ARFGEF3: variants seen among roughly 807,000 people sequenced by gnomAD.
The protein encoded by ARFGEF3 is ARFGEF family member 3.
A neutral mutation model predicts 221.7 loss-of-function variants in ARFGEF3; 96 were observed. The observed-to-expected ratio is 0.43, with a 90% CI of 0.37 to 0.51. ARFGEF3 has a LOEUF of 0.51. Among genes scored for constraint, ARFGEF3 ranks in the 20% least tolerant of loss-of-function variants. The pLI is 0.00. For missense variants in ARFGEF3, 2,410 were observed against 2,789.9 expected (o/e 0.86, Z 3.07); for synonymous variants, 1,145 against 1,126.8 (o/e 1.02, Z -0.32).
chr6:138,280,508 A>ATTCAGTGTTCTTGGGGTT (rs1779179036), intron 14 of ARFGEF3, among the ~76,000 whole-genome samples: 1 of 152,218 alleles, frequency 6.6e-6, no homozygotes, highest in South Asian at 2.1e-4. Flanking sequence ...TGCCCATATC[A>ATTCAGTGTTCTTGGGGTT]TTCAGTGTTC....
At chr6:138,170,124 G>A (rs770144802) in intron 1 of ARFGEF3, among the ~76,000 whole-genome samples, 2 of 152,288 alleles carry the variant, frequency 1.3e-5, no homozygotes, top group Middle Eastern at 3.4e-3. Context: ...GAACATCCAG[G>A]TTGGATTAAC....
intron 25 of ARFGEF3, among the ~76,000 whole-genome samples, chr6:138,312,081 A>C (rs963575080): frequency 3.9e-5 from 6 of 152,234 alleles, no homozygotes; most frequent in Middle Eastern, 3.4e-3. Flanking sequence ...GCTTCAACCC[A>C]GGAGGTGTAG....
At chr6:138,288,345 A>G (rs2114631312) in intron 17 of ARFGEF3, among the ~76,000 whole-genome samples, 1 of 152,234 alleles carries the variant, frequency 6.6e-6, no homozygotes, top group East Asian at 1.9e-4. Flanking sequence ...TAATCATTCC[A>G]TTGCACTCTA....
At chr6:138,327,487 G>C (rs932826551) in intron 31 of ARFGEF3, among the ~76,000 whole-genome samples, 2 of 152,142 alleles carry the variant, frequency 1.3e-5, no homozygotes, top group African/African-American at 4.8e-5. Flanking sequence ...GAGGAAAGTA[G>C]TGAAAGTATT....
At chr6:138,288,956 T>A (rs980981861) in intron 17 of ARFGEF3, among the ~76,000 whole-genome samples, 3 of 126,770 alleles carry the variant, frequency 2.4e-5, no homozygotes, top group African/African-American at 8.2e-5. Context: ...TCATCTACAA[T>A]TTTTTTTTTC....
At chr6:138,290,711 T>A (rs1484040514) in intron 18 of ARFGEF3, among the ~76,000 whole-genome samples, 1 of 152,134 alleles carries the variant, frequency 6.6e-6, no homozygotes, top group Non-Finnish European at 1.5e-5. Flanking sequence ...TCCTTCTCCT[T>A]CTCTGCAGCA....
chr6:138,206,169 C>T (rs1424840439), intron 2 of ARFGEF3, among the ~76,000 whole-genome samples: 2 of 152,130 alleles, frequency 1.3e-5, no homozygotes, highest in Non-Finnish European at 2.9e-5. Flanking sequence ...ATTTTTGTGC[C>T]AGTGTAACTC....
At chr6:138,328,606 C>A (rs563617907) in intron 32 of ARFGEF3, among the ~76,000 whole-genome samples, 1 of 152,272 alleles carries the variant, frequency 6.6e-6, no homozygotes, top group South Asian at 2.1e-4. Flanking sequence ...TAAAAGACCT[C>A]TTCTCCAAAT....
chr6:138,174,469 TAAAAAAAAAAAAAAAAAA>T (rs35236693), intron 2 of ARFGEF3, among the ~76,000 whole-genome samples: 17 of 25,300 alleles, frequency 6.7e-4, no homozygotes, highest in Middle Eastern at 0.038. Flanking sequence ...GAGCATCTGC[TAAAAAAAAAAAAAAAAAA>T]AAAAAAAAAA....
chr6:138,319,933 C>T (rs1375233261), intron 28 of ARFGEF3, 54 bp downstream of exon 28: 16 of 1,499,790 alleles, frequency 1.1e-5, no homozygotes, highest in South Asian at 7.0e-5. Flanking sequence ...TAGACAGCAC[C>T]GTCAGCTAAA....
At chr6:138,253,681 C>T (rs939346554) in intron 8 of ARFGEF3, among the ~76,000 whole-genome samples, 199 bp from the exon 9 acceptor site, 1 of 152,196 alleles carries the variant, frequency 6.6e-6, no homozygotes, top group Non-Finnish European at 1.5e-5. Context: ...AATAAAGTCA[C>T]ATTCGGAGGT....
At position 138,286,036 on chromosome 6, in the gene ARFGEF3, A is replaced by T. The variant is rs1477695029; in HGVS notation, c.2552A>T (p.Asp851Val). 2 of 1,603,526 alleles carry T rather than the reference A, an allele frequency of 1.2e-6. No homozygotes were observed. The highest frequency in any genetic ancestry group is 2.2e-5 in the South Asian group (2 of 91,012). ...ESPFAQSRRI[D>V]DSTVAGVAFA... is the part of the protein sequence containing the mutation. ...CCTTTCGCCCAGAGCAGGAGAATTG[A>T]TGACTCCACAGTGGCAGGTAATGAC... Residue 851 changes from aspartate (D) to valine (V), a missense_variant, in exon 15 of 34, where the codon GAT (aspartate) becomes GTT (valine). This residue lies in a region of ARFGEF3 where 594 missense variants were observed against 734.3 expected (regional missense o/e 0.81). Transcript: ENST00000251691.
At chr6:138,235,666 C>T (rs1778271422) in intron 5 of ARFGEF3, among the ~76,000 whole-genome samples, 1 of 152,128 alleles carries the variant, frequency 6.6e-6, no homozygotes, top group African/African-American at 2.4e-5. Context: ...AATGGAAGCT[C>T]TAGTTCTATG....
chr6:138,312,869 C>T (rs1779855258), intron 25 of ARFGEF3, among the ~76,000 whole-genome samples: 1 of 152,092 alleles, frequency 6.6e-6, no homozygotes, highest in Admixed American at 6.6e-5. Context: ...GCCACCACAC[C>T]CAGCTAATTT....
intron 1 of ARFGEF3, among the ~76,000 whole-genome samples, chr6:138,169,065 G>C (rs1776775748): frequency 6.6e-6 from 1 of 152,174 alleles, no homozygotes; most frequent in Non-Finnish European, 1.5e-5. Context: ...CGGGAGGAAG[G>C]TGTCATTGTC....
chr6:138,243,661 T>C (rs1203348537), intron 7 of ARFGEF3, among the ~76,000 whole-genome samples: 2 of 152,158 alleles, frequency 1.3e-5, no homozygotes, highest in African/African-American at 4.8e-5. Context: ...AAAAATCTGC[T>C]TTTCTATTAT....
intron 18 of ARFGEF3, among the ~76,000 whole-genome samples, chr6:138,290,851 T>C (rs1272484547): frequency 6.6e-6 from 1 of 152,234 alleles, no homozygotes; most frequent in East Asian, 1.9e-4. Flanking sequence ...AAAGCAAATA[T>C]AGCCATGAGT....
At chr6:138,164,119 T>C (rs1776673483) in intron 1 of ARFGEF3, among the ~76,000 whole-genome samples, 1 of 152,222 alleles carries the variant, frequency 6.6e-6, no homozygotes, top group South Asian at 2.1e-4. Context: ...GCTGGAGACA[T>C]GAACAAAGGC....
intron 3 of ARFGEF3, 103 bp from the exon 4 acceptor site, chr6:138,209,807 C>T: frequency 7.0e-7 from 1 of 1,419,282 alleles, no homozygotes; most frequent in Non-Finnish European, 9.6e-7. Context: ...CAGCTACACG[C>T]CTCCCCAGTA....
Sources: allele counts gnomAD v4.1 joint callset (sites outside exome capture counted in the v4.1 genomes callset), GRCh38; gene constraint gnomAD v4.1.1; regional missense constraint gnomAD v4.1.1; transcripts MANE v1.5; gene names NCBI Gene and HGNC (gene_info 2026-07-23, HGNC 2026-07-21).